Variants in PHKB observed in about 807,000 individuals in gnomAD.
PHKB encodes the protein phosphorylase b kinase regulatory subunit beta.
Under a neutral mutation model 152.1 loss-of-function variants are expected in PHKB, and 122 were observed. That is an observed-to-expected ratio of 0.80 (90% CI 0.69 to 0.93). PHKB has a LOEUF of 0.93. Among genes scored for constraint, PHKB ranks in the 40% least tolerant of loss-of-function variants. The pLI is 0.00. For synonymous variants in PHKB, 436 were observed against 464.9 expected (o/e 0.94, Z 0.80); for missense variants, 1,304 against 1,328.4 (o/e 0.98, Z 0.29).
At chr16:47,606,269 C>T (rs1364291984) in intron 13 of PHKB, among the ~76,000 whole-genome samples, 1 of 152,112 alleles carries the variant, frequency 6.6e-6, no homozygotes, top group Admixed American at 6.6e-5. Context: ...GGATAGAAAT[C>T]TAGTATAGAA....
intron 26 of PHKB, among the ~76,000 whole-genome samples, chr16:47,688,082 G>A (rs192582389): frequency 3.9e-5 from 6 of 152,334 alleles, no homozygotes; most frequent in Middle Eastern, 3.4e-3. Context: ...GGAAGTGTAT[G>A]AAGAGAAAGA....
chr16:47,570,082 G>A (rs565613760), intron 7 of PHKB, among the ~76,000 whole-genome samples: 1 of 152,316 alleles, frequency 6.6e-6, no homozygotes, highest in East Asian at 1.9e-4. Context: ...TTGTCTGACA[G>A]CTCTTCTGTT....
chr16:47,487,990 A>C (rs1970078358), intron 1 of PHKB, among the ~76,000 whole-genome samples: 2 of 152,204 alleles, frequency 1.3e-5, no homozygotes, highest in South Asian at 4.1e-4. Context: ...GATAGTTCTA[A>C]GTTCTTTGAG....
intron 14 of PHKB, among the ~76,000 whole-genome samples, chr16:47,618,323 T>C (rs994963459): frequency 1.3e-5 from 2 of 152,220 alleles, no homozygotes. Context: ...TGGTCTTTTC[T>C]CTGGGGTCTG....
intron 10 of PHKB, among the ~76,000 whole-genome samples, chr16:47,590,145 G>A (rs966130899): frequency 3.3e-5 from 5 of 152,098 alleles, no homozygotes; most frequent in Non-Finnish European, 7.3e-5. Context: ...GGTAGGTAAG[G>A]TCCCTAGGAA....
At chr16:47,647,048 G>T (rs960870821) in intron 16 of PHKB, among the ~76,000 whole-genome samples, 2 of 151,764 alleles carry the variant, frequency 1.3e-5, no homozygotes, top group South Asian at 2.1e-4. Flanking sequence ...CTCCACTGTG[G>T]CACCCTTCCC....
intron 1 of PHKB, among the ~76,000 whole-genome samples, chr16:47,482,651 G>A (rs887347312): frequency 3.9e-5 from 6 of 152,138 alleles, no homozygotes; most frequent in South Asian, 2.1e-4. Flanking sequence ...TACGACTTGC[G>A]TAGAATAATG....
At chr16:47,505,188 T>A (rs1555472886) in intron 4 of PHKB, among the ~76,000 whole-genome samples, 1 of 152,130 alleles carries the variant, frequency 6.6e-6, no homozygotes, top group Non-Finnish European at 1.5e-5. Context: ...TCTCACACTT[T>A]AGTTGGGTAA....
intron 12 of PHKB, 110 bp downstream of exon 12, chr16:47,594,324 A>G: frequency 1.5e-6 from 1 of 681,436 alleles, no homozygotes; most frequent in South Asian, 1.6e-5. Context: ...AAATTGAAAA[A>G]AATGAATGAT....
chr16:47,554,608 C>T (rs984839195), intron 7 of PHKB, among the ~76,000 whole-genome samples: 6 of 152,144 alleles, frequency 3.9e-5, no homozygotes, highest in Admixed American at 3.9e-4. Context: ...CCCAAATGGC[C>T]ACCCAGTTTT....
intron 6 of PHKB, among the ~76,000 whole-genome samples, chr16:47,538,210 T>C (rs886288866): frequency 6.6e-6 from 1 of 152,150 alleles, no homozygotes; most frequent in African/African-American, 2.4e-5. Context: ...GCTTTAAACT[T>C]AGAGACCTGA....
intron 7 of PHKB, among the ~76,000 whole-genome samples, chr16:47,577,851 G>C (rs1222078897): frequency 6.6e-6 from 1 of 152,048 alleles, no homozygotes; most frequent in East Asian, 1.9e-4. Flanking sequence ...TATTCTGTTT[G>C]TGTTTCACTC....
intron 1 of PHKB, among the ~76,000 whole-genome samples, chr16:47,494,623 G>A (rs1343278381): frequency 6.6e-6 from 1 of 152,182 alleles, no homozygotes; most frequent in African/African-American, 2.4e-5. Flanking sequence ...TCATTGATAA[G>A]TTTTATTTTA....
chr16:47,645,695 G>T (rs1266234825), intron 16 of PHKB, among the ~76,000 whole-genome samples: 3 of 151,550 alleles, frequency 2.0e-5, no homozygotes, highest in Non-Finnish European at 2.9e-5. Context: ...TTGGCGATGC[G>T]GGCTCTTTCA....
chr16:47,565,860 C>A, intron 7 of PHKB: 1 of 1,252,822 alleles, frequency 8.0e-7, no homozygotes, highest in Non-Finnish European at 1.1e-6. Context: ...CTGGGAGGTA[C>A]TAGCAGAGGA....
chr16:47,634,394 G>A (rs1222597806), intron 14 of PHKB, among the ~76,000 whole-genome samples: 6 of 152,218 alleles, frequency 3.9e-5, no homozygotes, highest in African/African-American at 1.4e-4. Flanking sequence ...TAGTAAGGAT[G>A]CCTACTATGT....
chr16:47,603,573 G>A (rs1050590356), intron 13 of PHKB, among the ~76,000 whole-genome samples: 8 of 148,760 alleles, frequency 5.4e-5, no homozygotes, highest in South Asian at 4.3e-4. Flanking sequence ...GCACTATCTC[G>A]GCTCACTGCA....
At chr16:47,624,246 A>G (rs1972669448) in intron 14 of PHKB, among the ~76,000 whole-genome samples, 1 of 152,210 alleles carries the variant, frequency 6.6e-6, no homozygotes, top group Non-Finnish European at 1.5e-5. Flanking sequence ...GATGAATTGA[A>G]AGGGACACTG....
At chr16:47,470,648 T>G (rs1215346953) in intron 1 of PHKB, among the ~76,000 whole-genome samples, 2 of 152,168 alleles carry the variant, frequency 1.3e-5, no homozygotes, top group Non-Finnish European at 2.9e-5. Flanking sequence ...AGTAACTTAC[T>G]TAAAGTCACC....
Sources: gnomAD v4.1 joint callset for allele counts (sites outside exome capture counted in the v4.1 genomes callset) on GRCh38, gnomAD v4.1.1 for gene constraint, MANE v1.5 for transcripts, NCBI Gene and HGNC (gene_info 2026-07-23, HGNC 2026-07-21) for gene names.